Variants in STON2 observed in about 807,000 individuals in gnomAD.
The protein encoded by STON2 is stonin 2.
In STON2, 29 loss-of-function variants were observed where a neutral mutation model predicts 65.7. The ratio of observed to expected loss-of-function variants is 0.44; its 90% CI spans 0.33 to 0.60. STON2 has a LOEUF of 0.60. Among genes scored for constraint, STON2 ranks in the 20% least tolerant of loss-of-function variants. The probability of loss-of-function intolerance (pLI) is 0.03; values close to 1 mark genes in which losing one functional copy is unlikely to be tolerated. For synonymous variants in STON2, 404 were observed against 414.2 expected, an observed-to-expected ratio of 0.98 and a Z score of 0.30; for missense variants, 1,054 against 1,118.1, an observed-to-expected ratio of 0.94 and a Z score of 0.82.
chr14:81,293,682 C>T (rs1194847378), intron 5 of STON2, among the ~76,000 whole-genome samples: 1 of 152,114 alleles, frequency 6.6e-6, no homozygotes, highest in Non-Finnish European at 1.5e-5. Flanking sequence ...TGGGGCTTGC[C>T]TTCTTTTGCT....
intron 4 of STON2, among the ~76,000 whole-genome samples, chr14:81,350,081 T>C (rs974884924): frequency 6.6e-6 from 1 of 152,080 alleles, no homozygotes; most frequent in African/African-American, 2.4e-5. Context: ...CGAAAGGGTA[T>C]GCAGAGAGGT....
intron 4 of STON2, among the ~76,000 whole-genome samples, chr14:81,344,718 T>C (rs573479764): frequency 2.0e-5 from 3 of 152,330 alleles, no homozygotes; most frequent in Non-Finnish European, 4.4e-5. Context: ...CCCACAGTTC[T>C]CGCATGCAAA....
At chr14:81,308,095 T>C (rs1002912191) in intron 5 of STON2, among the ~76,000 whole-genome samples, 2 of 152,238 alleles carry the variant, frequency 1.3e-5, no homozygotes, top group African/African-American at 4.8e-5. Flanking sequence ...TTTTGTCTAT[T>C]GAATATAAAT....
intron 5 of STON2, among the ~76,000 whole-genome samples, chr14:81,295,078 A>G (rs1489007277): frequency 6.6e-6 from 1 of 152,114 alleles, no homozygotes; most frequent in Non-Finnish European, 1.5e-5. Flanking sequence ...TAATCCCAAC[A>G]CTTTAGGAGG....
chr14:81,318,744 C>T (rs546962624), intron 5 of STON2, among the ~76,000 whole-genome samples: 32 of 152,084 alleles, frequency 2.1e-4, no homozygotes, highest in Non-Finnish European at 4.0e-4. Flanking sequence ...CCGGCTACTC[C>T]GGGGTCTGAG....
At chr14:81,289,153 T>A (rs944376835) in intron 5 of STON2, among the ~76,000 whole-genome samples, 1 of 152,146 alleles carries the variant, frequency 6.6e-6, no homozygotes, top group African/African-American at 2.4e-5. Flanking sequence ...TTCCTGGATG[T>A]TAGTGAAGGG....
intron 5 of STON2, among the ~76,000 whole-genome samples, chr14:81,312,638 C>T (rs1188845069): frequency 3.3e-5 from 5 of 152,214 alleles, no homozygotes; most frequent in African/African-American, 9.7e-5. Context: ...CTCTTGCCTC[C>T]CAGCATCTAG....
At chr14:81,378,330 C>G (rs1261365598) in intron 3 of STON2, among the ~76,000 whole-genome samples, 1 of 152,182 alleles carries the variant, frequency 6.6e-6, no homozygotes, top group Non-Finnish European at 1.5e-5. Context: ...ATCCACCCAC[C>G]TCAACCTCCA....
intron 2 of STON2, among the ~76,000 whole-genome samples, chr14:81,414,323 G>A (rs1452280853): frequency 1.3e-5 from 2 of 152,132 alleles, no homozygotes; most frequent in African/African-American, 4.8e-5. Flanking sequence ...TCAGACAGAA[G>A]GGATCCAGTT....
At chr14:81,331,802 C>T (rs1010551989) in intron 4 of STON2, among the ~76,000 whole-genome samples, 6 of 152,168 alleles carry the variant, frequency 3.9e-5, no homozygotes, top group African/African-American at 1.4e-4. Context: ...CTGAGGAGCC[C>T]ACACATCCTA....
chr14:81,290,555 A>T (rs1240935245), intron 5 of STON2, among the ~76,000 whole-genome samples: 1 of 152,138 alleles, frequency 6.6e-6, no homozygotes, highest in East Asian at 1.9e-4. Context: ...GGAGAAACTC[A>T]AGAAGTCTGT....
At chr14:81,407,859 C>A (rs189284976) in intron 2 of STON2, among the ~76,000 whole-genome samples, 1 of 152,130 alleles carries the variant, frequency 6.6e-6, no homozygotes, top group Non-Finnish European at 1.5e-5. Flanking sequence ...CATAGCACAG[C>A]GACACAAGAT....
At position 81,335,064 on chromosome 14, in the gene STON2, C is replaced by T. The variant is rs199505025; in HGVS notation, c.572-10877G>A. ...GTGTGTGTGTATAGACAGGGTTTTGCCATGTTGCCCAGGCTGGTCTCAAAC... is the reference window on the plus strand; with the variant it reads ...GTGTGTGTGTATAGACAGGGTTTTGTCATGTTGCCCAGGCTGGTCTCAAAC... On this transcript the variant is annotated intron_variant, in intron 4 of 7. Coordinates refer to ENST00000614646, the MANE Select transcript of STON2 (RefSeq NM_001394390.1). 4.0e-5 allele frequency among the ~76,000 whole-genome samples: 6 copies of T among 150,672 alleles called. No homozygotes were observed. In the East Asian group the frequency reaches 1.2e-3, roughly 30 times the overall value.
intron 4 of STON2, among the ~76,000 whole-genome samples, chr14:81,348,062 A>G (rs919429644): frequency 2.0e-5 from 3 of 152,180 alleles, no homozygotes; most frequent in African/African-American, 7.2e-5. Context: ...GCATTTGGTA[A>G]AATTCAACAT....
At chr14:81,420,318 A>G (rs138149971) in intron 2 of STON2, among the ~76,000 whole-genome samples, 3 of 152,236 alleles carry the variant, frequency 2.0e-5, no homozygotes. Flanking sequence ...TCACATGCGT[A>G]GAATATAAAG....
chr14:81,365,030 G>A (rs1175826325), intron 4 of STON2, among the ~76,000 whole-genome samples: 1 of 152,160 alleles, frequency 6.6e-6, no homozygotes, highest in Non-Finnish European at 1.5e-5. Flanking sequence ...CCCATCCCAT[G>A]GAACACAGGC....
At chr14:81,286,867 T>G (rs943164218) in intron 5 of STON2, among the ~76,000 whole-genome samples, 1 of 152,210 alleles carries the variant, frequency 6.6e-6, no homozygotes, top group Admixed American at 6.5e-5. Flanking sequence ...ACTGTCCAAG[T>G]TGAGATCAGA....
upstream of STON2, among the ~76,000 whole-genome samples, chr14:81,401,044 T>G (rs576464234): frequency 1.3e-5 from 2 of 152,344 alleles, no homozygotes; most frequent in South Asian, 4.1e-4. Context: ...TCGCCAGCAC[T>G]GCTGCTATTG....
At chr14:81,433,041 T>G (rs1405560762) in intron 1 of STON2, among the ~76,000 whole-genome samples, 1 of 152,228 alleles carries the variant, frequency 6.6e-6, no homozygotes, top group Non-Finnish European at 1.5e-5. Context: ...ATTCAGGAAC[T>G]CAGGGGGCCA....
Sources: gnomAD v4.1 joint callset for allele counts (sites outside exome capture counted in the v4.1 genomes callset) on GRCh38, gnomAD v4.1.1 for gene constraint, MANE v1.5 for transcripts, NCBI Gene and HGNC (gene_info 2026-07-23, HGNC 2026-07-21) for gene names.